Variants in CAB39 observed in about 807,000 individuals in gnomAD.
CAB39 encodes the protein calcium binding protein 39.
A neutral mutation model predicts 40.0 loss-of-function variants in CAB39; 8 were observed. The ratio of observed to expected loss-of-function variants is 0.20; its 90% confidence interval spans 0.12 to 0.36. The LOEUF (loss-of-function observed/expected upper bound fraction) is 0.36, where lower values mean the gene tolerates loss of function less well. Ranked by LOEUF, CAB39 falls within the 10% of genes least tolerant of loss-of-function variation. The pLI is 1.00. For synonymous variants in CAB39, 156 were observed against 141.6 expected (o/e 1.10, Z -0.72); for missense variants, 270 against 401.1 (o/e 0.67, Z 2.79).
At chr2:230,791,490 A>G (rs1053224382) in intron 3 of CAB39, among the ~76,000 whole-genome samples, 1 of 152,190 alleles carries the variant, frequency 6.6e-6, no homozygotes, top group Non-Finnish European at 1.5e-5. Context: ...CAGAGACCAT[A>G]TGTGTTTTGT....
chr2:230,717,406 G>A (rs1336948692), intron 1 of CAB39, among the ~76,000 whole-genome samples: 1 of 152,146 alleles, frequency 6.6e-6, no homozygotes, highest in East Asian at 1.9e-4. Context: ...TACGTTCTGT[G>A]CCCTTAGTGA....
intron 2 of CAB39, among the ~76,000 whole-genome samples, chr2:230,775,793 T>G (rs939315795): frequency 6.6e-6 from 1 of 152,188 alleles, no homozygotes; most frequent in Non-Finnish European, 1.5e-5. Context: ...ACAGACATTT[T>G]AGTGCCTCTC....
At chr2:230,738,117 C>T (rs7602824) in intron 1 of CAB39, among the ~76,000 whole-genome samples, 4 of 152,206 alleles carry the variant, frequency 2.6e-5, no homozygotes, top group South Asian at 2.1e-4. Context: ...TTCTACACAA[C>T]GCAGTTCAAG....
intron 1 of CAB39, among the ~76,000 whole-genome samples, chr2:230,727,448 T>G (rs1182996659): frequency 1.3e-5 from 2 of 148,470 alleles, no homozygotes; most frequent in East Asian, 2.0e-4. Context: ...AGGGTCTTGC[T>G]CTATCACCCA....
At chr2:230,805,943 T>C (rs1696185994) in intron 5 of CAB39, among the ~76,000 whole-genome samples, 1 of 152,170 alleles carries the variant, frequency 6.6e-6, no homozygotes, top group Non-Finnish European at 1.5e-5. Flanking sequence ...AATGTGTAGA[T>C]GTTAGCCAGG....
At chr2:230,786,424 A>T (rs906374742) in intron 2 of CAB39, among the ~76,000 whole-genome samples, 1 of 152,096 alleles carries the variant, frequency 6.6e-6, no homozygotes, top group Non-Finnish European at 1.5e-5. Flanking sequence ...TAGTTCACCC[A>T]TTTGAAGGGT....
intron 2 of CAB39, among the ~76,000 whole-genome samples, chr2:230,764,094 C>T (rs369915019): frequency 3.3e-5 from 5 of 151,580 alleles, no homozygotes; most frequent in Admixed American, 2.6e-4. Context: ...TGTACTCCAG[C>T]GTGGGTGACA....
intron 5 of CAB39, 95 bp downstream of exon 5, chr2:230,798,992 C>A: frequency 1.1e-6 from 1 of 874,860 alleles, no homozygotes; most frequent in Non-Finnish European, 1.7e-6. Flanking sequence ...CACGTGGCTG[C>A]CCTCTAGTGG....
chr2:230,800,077 T>G (rs1005936930), intron 5 of CAB39, among the ~76,000 whole-genome samples: 5 of 152,150 alleles, frequency 3.3e-5, no homozygotes, highest in South Asian at 2.1e-4. Context: ...CATACTGATA[T>G]GCAGACGACC....
chr2:230,808,414 G>A (rs907878031), intron 5 of CAB39, among the ~76,000 whole-genome samples: 9 of 152,146 alleles, frequency 5.9e-5, no homozygotes, highest in Admixed American at 4.6e-4. Context: ...CCTCCATAGC[G>A]GGACATCAGC....
intron 1 of CAB39, among the ~76,000 whole-genome samples, chr2:230,753,684 T>C (rs2124909743): frequency 6.9e-6 from 1 of 144,158 alleles, no homozygotes; most frequent in East Asian, 2.0e-4. Flanking sequence ...GTGGAGGTTA[T>C]AGCAAGCTGA....
At chr2:230,717,723 C>T (rs888452117) in intron 1 of CAB39, among the ~76,000 whole-genome samples, 2 of 152,190 alleles carry the variant, frequency 1.3e-5, no homozygotes, top group Admixed American at 6.5e-5. Context: ...TTGCCATCTG[C>T]ATTTTTGGGG....
intron 1 of CAB39, among the ~76,000 whole-genome samples, chr2:230,716,286 T>C (rs529910883): frequency 3.2e-4 from 49 of 152,286 alleles, no homozygotes; most frequent in African/African-American, 1.1e-3. Flanking sequence ...CCACACAGGG[T>C]CTTTATTACC....
intron 5 of CAB39, among the ~76,000 whole-genome samples, chr2:230,804,736 G>A (rs1467842493): frequency 6.6e-6 from 1 of 152,196 alleles, no homozygotes; most frequent in Non-Finnish European, 1.5e-5. Context: ...TCATTAAAAA[G>A]TCAGGAAACA....
At chr2:230,720,156 C>T (rs1035639645) in intron 1 of CAB39, among the ~76,000 whole-genome samples, 4 of 152,014 alleles carry the variant, frequency 2.6e-5, no homozygotes, top group Admixed American at 6.6e-5. Context: ...TAAAGTTGGG[C>T]GAGTTGTGTG....
intron 1 of CAB39, among the ~76,000 whole-genome samples, chr2:230,727,476 G>A (rs1694608022): frequency 6.7e-6 from 1 of 148,746 alleles, no homozygotes; most frequent in Admixed American, 6.8e-5. Context: ...GTGCGGTGGC[G>A]CAGTCTTGGC....
intron 1 of CAB39, among the ~76,000 whole-genome samples, chr2:230,723,010 T>C (rs1164441686): frequency 1.3e-5 from 2 of 152,236 alleles, no homozygotes; most frequent in African/African-American, 2.4e-5. Context: ...ATTTTCAATT[T>C]TGTTAAAAGA....
chr2:230,801,867 T>TA (rs61365992), intron 5 of CAB39, among the ~76,000 whole-genome samples: 8,807 of 146,102 alleles, frequency 0.06, 730 homozygotes, highest in African/African-American at 0.19. Context: ...GGACTCTGTT[T>TA]AAAAAAAAAA....
intron 1 of CAB39, among the ~76,000 whole-genome samples, chr2:230,752,825 T>C (rs368403086): frequency 8.5e-5 from 13 of 152,334 alleles, no homozygotes; most frequent in African/African-American, 2.9e-4. Flanking sequence ...TAAAGTTTGC[T>C]GTGACAACCA....
Sources: allele counts gnomAD v4.1 joint callset (sites outside exome capture counted in the v4.1 genomes callset), GRCh38; gene constraint gnomAD v4.1.1; transcripts MANE v1.5; gene names NCBI Gene and HGNC (gene_info 2026-07-23, HGNC 2026-07-21).